The following KCNIP4 variants were observed in gnomAD, a reference collection of about 807,000 sequenced individuals.
The protein encoded by KCNIP4 is potassium voltage-gated channel interacting protein 4.
Under a neutral mutation model 34.0 loss-of-function variants are expected in KCNIP4, and 12 were observed. The ratio of observed to expected loss-of-function variants is 0.35; its 90% CI spans 0.23 to 0.57. The LOEUF is 0.57. KCNIP4 is among the 20% of genes least tolerant of loss of function. The pLI is 0.83. For synonymous variants in KCNIP4, 124 were observed against 102.2 expected (o/e 1.21, Z -1.29); for missense variants, 238 against 311.7 (o/e 0.76, Z 1.78).
intron 1 of KCNIP4, among the ~76,000 whole-genome samples, chr4:21,112,025 GTATCTATCTATCTATCTATCTATC>G (rs34396290): frequency 8.7e-6 from 1 of 114,808 alleles, no homozygotes; most frequent in Non-Finnish European, 1.8e-5. Context: ...TCCTTTCTCT[GTATCTATCTATCTATCTATCTATC>G]TATCTATCTA....
At chr4:21,272,290 A>T (rs917991492) in intron 1 of KCNIP4, among the ~76,000 whole-genome samples, 1 of 152,218 alleles carries the variant, frequency 6.6e-6, no homozygotes, top group Non-Finnish European at 1.5e-5. Flanking sequence ...TACCTAGCAC[A>T]TTACAAATGC....
Position 21,104,717 on chromosome 4 carries a change from T to C in KCNIP4, c.62-222008A>G, listed in dbSNP as rs148653485. Among the ~76,000 whole-genome samples the C allele has an allele frequency of 6.5e-4, 98 of 151,896 alleles. No homozygotes were observed. In the East Asian group the frequency reaches 0.016, roughly 25 times the overall value. ...TGCCTATGTTTTCTTCTAGGGTTTT[T>C]ATGGTTTTAGCTCTAACATATAAGT... On this transcript the variant is annotated intron_variant, in intron 1 of 8. Coordinates refer to ENST00000382152, the MANE Select transcript of KCNIP4 (RefSeq NM_025221.6).
At chr4:21,219,324 AC>A (rs1757826443) in intron 1 of KCNIP4, among the ~76,000 whole-genome samples, 1 of 152,076 alleles carries the variant, frequency 6.6e-6, no homozygotes, top group Non-Finnish European at 1.5e-5. Context: ...GAGATTGGAG[AC>A]CCCACTGATG....
chr4:21,426,983 T>G (rs556853216), intron 1 of KCNIP4, among the ~76,000 whole-genome samples: 1 of 152,170 alleles, frequency 6.6e-6, no homozygotes, highest in African/African-American at 2.4e-5. Flanking sequence ...GGATCATGAC[T>G]TTTCTGTTCT....
At chr4:21,040,849 G>A (rs1475699850) in intron 1 of KCNIP4, among the ~76,000 whole-genome samples, 1 of 147,242 alleles carries the variant, frequency 6.8e-6, no homozygotes, top group Non-Finnish European at 1.5e-5. Flanking sequence ...TATAAGAAGC[G>A]TTTTTTTTTC....
chr4:21,758,881 G>A (rs1292392834), intron 1 of KCNIP4, among the ~76,000 whole-genome samples: 5 of 152,040 alleles, frequency 3.3e-5, no homozygotes, highest in Non-Finnish European at 7.4e-5. Context: ...TAAGATGTGT[G>A]ACTTCTCTGA....
intron 3 of KCNIP4, among the ~76,000 whole-genome samples, chr4:20,790,130 T>G (rs539854409): frequency 6.6e-6 from 1 of 152,294 alleles, no homozygotes; most frequent in South Asian, 2.1e-4. Flanking sequence ...GTACTGCATG[T>G]AACTGTAACT....
intron 1 of KCNIP4, among the ~76,000 whole-genome samples, chr4:21,525,908 T>C (rs1735932984): frequency 6.6e-6 from 1 of 152,096 alleles, no homozygotes; most frequent in South Asian, 2.1e-4. Context: ...GTTTTGAAAA[T>C]TAAATTTTAT....
rs201122019 is a variant in KCNIP4, at chr4:21,948,551, G to A, written c.61+20C>T. 317 of 1,610,106 alleles carry A rather than the reference G, an allele frequency of 2.0e-4. 1 individual carries two copies. Among genetic ancestry groups the A allele is most frequent in the Non-Finnish European group, 2.1e-4 (246 of 1,178,196 alleles). ...GGAGGGCGGAAGCGGGCGCCCGCTC[G>A]CAAGCTTATTGCATCCTACCGCCTG... On this transcript the variant is annotated intron_variant, in intron 1 of 8. Coordinates refer to ENST00000382152, the MANE Select transcript of KCNIP4 (RefSeq NM_025221.6).
At chr4:21,389,152 A>AT (rs1360567146) in intron 1 of KCNIP4, among the ~76,000 whole-genome samples, 23 of 151,536 alleles carry the variant, frequency 1.5e-4, no homozygotes, top group African/African-American at 4.1e-4. Context: ...TACCTAACTA[A>AT]TTTTTTTTAT....
chr4:21,255,352 T>C (rs1375548931), intron 1 of KCNIP4, among the ~76,000 whole-genome samples: 2 of 152,190 alleles, frequency 1.3e-5, no homozygotes, highest in Admixed American at 1.3e-4. Flanking sequence ...TTAAATATTA[T>C]CTTATACCTA....
intron 1 of KCNIP4, among the ~76,000 whole-genome samples, chr4:21,413,242 C>T (rs752242574): frequency 6.6e-6 from 1 of 152,104 alleles, no homozygotes; most frequent in Admixed American, 6.5e-5. Context: ...CATTTCCAAG[C>T]TCTGAGCTAA....
chr4:20,741,993 C>A (rs183017410), intron 5 of KCNIP4, among the ~76,000 whole-genome samples: 9 of 152,298 alleles, frequency 5.9e-5, no homozygotes, highest in African/African-American at 1.7e-4. Flanking sequence ...TTCCTGGACA[C>A]ATACACCCTC....
intron 1 of KCNIP4, among the ~76,000 whole-genome samples, chr4:21,581,923 G>A (rs756193038): frequency 5.9e-5 from 9 of 151,536 alleles, no homozygotes; most frequent in African/African-American, 1.2e-4. Context: ...ATGATGAGTC[G>A]AGACCAAACT....
At chr4:21,564,303 T>C (rs1234222053) in intron 1 of KCNIP4, among the ~76,000 whole-genome samples, 1 of 152,142 alleles carries the variant, frequency 6.6e-6, no homozygotes, top group African/African-American at 2.4e-5. Flanking sequence ...CCTTCTTCCA[T>C]GGATTTAATG....
chr4:20,983,761 T>A, intron 1 of KCNIP4: 1 of 1,413,178 alleles, frequency 7.1e-7, no homozygotes. Context: ...AGCATCTGTA[T>A]CTACTTCTAA....
chr4:21,337,798 G>C (rs16870858), intron 1 of KCNIP4, among the ~76,000 whole-genome samples: 7,539 of 152,132 alleles, frequency 0.05, 350 homozygotes, highest in East Asian at 0.2. Context: ...CAAATCTGGA[G>C]TTTCCTATTG....
intron 1 of KCNIP4, among the ~76,000 whole-genome samples, chr4:21,182,814 T>C (rs1265636516): frequency 6.6e-6 from 1 of 152,130 alleles, no homozygotes; most frequent in Admixed American, 6.6e-5. Flanking sequence ...GAAATACGTA[T>C]GCATCATGGA....
At chr4:21,581,814 T>C (rs73252266) in intron 1 of KCNIP4, among the ~76,000 whole-genome samples, 8,237 of 151,994 alleles carry the variant, frequency 0.054, 291 homozygotes, top group African/African-American at 0.095. Context: ...GATCCTGTCA[T>C]TGTCTTAATT....
Sources: allele counts gnomAD v4.1 joint callset (sites outside exome capture counted in the v4.1 genomes callset), GRCh38; gene constraint gnomAD v4.1.1; transcripts MANE v1.5; gene names NCBI Gene and HGNC (gene_info 2026-07-23, HGNC 2026-07-21).